TCF4: variants seen among roughly 807,000 people sequenced by gnomAD.
TCF4 encodes the protein SL3-3 enhancer factor 2.
In TCF4, 3 loss-of-function variants were observed where a neutral mutation model predicts 82.1. That is an observed-to-expected ratio of 0.04 (90% CI 0.02 to 0.09). The LOEUF is 0.09. TCF4 is among the 10% of genes least tolerant of loss of function. The pLI is 1.00. For missense variants in TCF4, 518 were observed against 852.7 expected (o/e 0.61, Z 4.89); for synonymous variants, 276 against 309.6 (o/e 0.89, Z 1.14).
At chr18:55,265,044 T>A (rs912155596) in intron 11 of TCF4, 1 of 152,208 alleles carries the variant, frequency 6.6e-6, no homozygotes, top group Non-Finnish European at 1.5e-5. Flanking sequence ...ACCCTCTGTC[T>A]CAGCCTCAGC....
At chr18:55,623,358 T>G (rs890342979) in intron 2 of TCF4, among the ~76,000 whole-genome samples, 4 of 152,210 alleles carry the variant, frequency 2.6e-5, no homozygotes, top group African/African-American at 9.7e-5. Flanking sequence ...TTCTTAAAGC[T>G]TTAGCATTAT....
At chr18:55,509,404 C>T (rs79773229) in intron 3 of TCF4, among the ~76,000 whole-genome samples, 1,855 of 152,054 alleles carry the variant, frequency 0.012, 41 homozygotes, top group African/African-American at 0.042. Context: ...CTGGTAGTAT[C>T]GCTACTTGTT....
chr18:55,409,829 T>C (rs2094269360), intron 5 of TCF4, among the ~76,000 whole-genome samples: 1 of 152,172 alleles, frequency 6.6e-6, no homozygotes, highest in Non-Finnish European at 1.5e-5. Context: ...GACTAGCTAG[T>C]CAACTTTACT....
At chr18:55,541,422 T>C (rs913651007) in intron 3 of TCF4, among the ~76,000 whole-genome samples, 1 of 151,996 alleles carries the variant, frequency 6.6e-6, no homozygotes, top group African/African-American at 2.4e-5. Context: ...TAAGGTTTAC[T>C]TATTCTGTAT....
At chr18:55,416,766 G>A (rs192906361) in intron 5 of TCF4, among the ~76,000 whole-genome samples, 2 of 152,202 alleles carry the variant, frequency 1.3e-5, no homozygotes, top group Non-Finnish European at 2.9e-5. Context: ...TACACAATCT[G>A]TTAAGTCCAG....
intron 3 of TCF4, among the ~76,000 whole-genome samples, chr18:55,493,233 G>C (rs965337967): frequency 4.5e-4 from 69 of 152,194 alleles, no homozygotes; most frequent in African/African-American, 1.5e-3. Flanking sequence ...AACTTGAAAG[G>C]CCTTAATTTA....
chr18:55,532,374 C>G (rs1033452021), intron 3 of TCF4, among the ~76,000 whole-genome samples: 3 of 152,194 alleles, frequency 2.0e-5, no homozygotes, highest in African/African-American at 7.2e-5. Context: ...TTCTAAGGAG[C>G]TGTCTAGTGG....
chr18:55,224,801 C>T lies in TCF4; in HGVS notation c.*3234G>A, dbSNP rs2046375958. 1 of 152,532 alleles carries T rather than the reference C, an allele frequency of 6.6e-6. No homozygotes were observed. Among genetic ancestry groups the T allele is most frequent in the Admixed American group, 6.6e-5 (1 of 15,264 alleles). 9.4% of individuals were successfully genotyped at this position (152,532 alleles called of 1,614,324 possible). A position where few individuals can be genotyped will look rare whatever the true frequency, so the allele number is the denominator to read the frequency against. On this transcript the variant is annotated 3_prime_UTR_variant, in exon 20 of 20. Coordinates refer to ENST00000354452, the MANE Select transcript of TCF4 (RefSeq NM_001083962.2). ...GTAAAAATTTCTAGATGAACAGATCCCTATTCTGCATATTCATAAATTACT... is the reference window on the plus strand; with the variant it reads ...GTAAAAATTTCTAGATGAACAGATCTCTATTCTGCATATTCATAAATTACT...
intron 8 of TCF4, among the ~76,000 whole-genome samples, chr18:55,338,280 T>C (rs1468166856): frequency 6.6e-6 from 1 of 152,186 alleles, no homozygotes; most frequent in African/African-American, 2.4e-5. Flanking sequence ...CCTCAAACTA[T>C]GTGCCCTCCC....
chr18:55,257,079 T>G (rs1451345409), intron 14 of TCF4, among the ~76,000 whole-genome samples: 1 of 152,124 alleles, frequency 6.6e-6, no homozygotes, highest in African/African-American at 2.4e-5. Flanking sequence ...TTCCAGGATT[T>G]TATCTGCTAC....
At chr18:55,339,069 T>C (rs2079247518) in intron 8 of TCF4, among the ~76,000 whole-genome samples, 1 of 152,232 alleles carries the variant, frequency 6.6e-6, no homozygotes, top group Non-Finnish European at 1.5e-5. Flanking sequence ...CTCATGTGAA[T>C]GCTTTCCTGT....
At chr18:55,552,247 A>G (rs976712029) in intron 3 of TCF4, among the ~76,000 whole-genome samples, 2 of 152,196 alleles carry the variant, frequency 1.3e-5, no homozygotes, top group Admixed American at 1.3e-4. Context: ...CCCAGAAATG[A>G]TGGCTGAAAT....
intron 8 of TCF4, among the ~76,000 whole-genome samples, chr18:55,347,522 C>T (rs1211555971): frequency 6.6e-6 from 1 of 152,134 alleles, no homozygotes; most frequent in Admixed American, 6.5e-5. Flanking sequence ...AACACACATT[C>T]GTGGATCCTG....
At chr18:55,284,925 T>G (rs1001807004) in intron 8 of TCF4, among the ~76,000 whole-genome samples, 3 of 152,200 alleles carry the variant, frequency 2.0e-5, no homozygotes, top group African/African-American at 7.2e-5. Context: ...ACTTTGATGC[T>G]TCTCTCAGCA....
chr18:55,239,341 A>G (rs2050507094), intron 15 of TCF4, among the ~76,000 whole-genome samples: 1 of 152,192 alleles, frequency 6.6e-6, no homozygotes, highest in African/African-American at 2.4e-5. Flanking sequence ...TAAGGCCAAG[A>G]ATGGTGAAGT....
intron 3 of TCF4, among the ~76,000 whole-genome samples, chr18:55,517,144 G>C (rs979307222): frequency 1.3e-5 from 2 of 152,172 alleles, no homozygotes; most frequent in African/African-American, 4.8e-5. Context: ...TGATTTTGTG[G>C]AGTTTCTTAG....
chr18:55,317,135 T>C lies in TCF4; in HGVS notation c.549+33224A>G, dbSNP rs773432521. On this transcript the variant is annotated intron_variant, in intron 8 of 19. Coordinates refer to ENST00000354452, the MANE Select transcript of TCF4 (RefSeq NM_001083962.2). ...TCAACATAATTTTGTTTTAAAGTAA[T>C]GAAGCATAAAAAAAAATTTCATTGT... Among the ~76,000 whole-genome samples, 5 of 151,988 alleles carry C rather than the reference T, an allele frequency of 3.3e-5. No homozygotes were observed. In the East Asian group the frequency reaches 9.6e-4, roughly 29 times the overall value.
chr18:55,546,162 C>T (rs2097205505), intron 3 of TCF4, among the ~76,000 whole-genome samples: 1 of 151,918 alleles, frequency 6.6e-6, no homozygotes, highest in South Asian at 2.1e-4. Context: ...AAAGTGAGAC[C>T]TCGTCTCCAC....
intron 12 of TCF4, among the ~76,000 whole-genome samples, chr18:55,260,503 C>T (rs904574503): frequency 6.6e-6 from 1 of 152,142 alleles, no homozygotes; most frequent in Non-Finnish European, 1.5e-5. Context: ...TTTTTTAATG[C>T]TCTCAATGGT....
Sources: gnomAD v4.1 joint callset for allele counts (sites outside exome capture counted in the v4.1 genomes callset) on GRCh38, gnomAD v4.1.1 for gene constraint, MANE v1.5 for transcripts, NCBI Gene and HGNC (gene_info 2026-07-23, HGNC 2026-07-21) for gene names.